TTLL10: variants seen among roughly 807,000 people sequenced by gnomAD.
TTLL10 encodes inactive polyglycylase TTLL10.
Under a neutral mutation model 69.0 loss-of-function variants are expected in TTLL10, and 61 were observed. That is an observed-to-expected ratio of 0.88 (90% CI 0.72 to 1.09). The LOEUF (loss-of-function observed/expected upper bound fraction) is 1.09, where lower values mean the gene tolerates loss of function less well. TTLL10 is among the 50% of genes least tolerant of loss of function. TTLL10 has a pLI of 0.00. For synonymous variants in TTLL10, 408 were observed against 393.3 expected (o/e 1.04, Z -0.44); for missense variants, 962 against 945.9 (o/e 1.02, Z -0.22).
rs75179781 is a variant in TTLL10, at chr1:1,179,367, C to A, written c.118+34C>A. The A allele has an allele frequency of 6.4e-3, 9,845 of 1,535,470 alleles. 340 individuals carry two copies. In the African/African-American group the frequency reaches 0.09, roughly 14 times the overall value. Reference sequence around the variant, plus strand: ...AGCAGCCCTGGGTGGCCTCCTACCTCTCCAAGGCCAAGGCCTCCCTGGGAC... The same window carrying A: ...AGCAGCCCTGGGTGGCCTCCTACCTATCCAAGGCCAAGGCCTCCCTGGGAC... On this transcript the variant is annotated intron_variant, in intron 4 of 15. Coordinates refer to ENST00000379289, the MANE Select transcript of TTLL10 (RefSeq NM_001130045.2).
At chr1:1,195,597 A>C (rs1003330078) in intron 13 of TTLL10, among the ~76,000 whole-genome samples, 3 of 144,818 alleles carry the variant, frequency 2.1e-5, no homozygotes, top group African/African-American at 7.8e-5. Context: ...CACCCACCTC[A>C]GCTTCCCAAA....
chr1:1,197,741 C>G lies in TTLL10; in HGVS notation c.1916C>G (p.Ala639Gly). 2.0e-6 allele frequency: 3 copies of G among 1,534,536 alleles called. No homozygotes were observed. Among genetic ancestry groups the G allele is most frequent in the Non-Finnish European group, 2.6e-6 (3 of 1,142,886 alleles). Residue 639 changes from alanine (A) to glycine (G), a missense_variant, in exon 16 of 16, where the codon GCC (alanine) becomes GGC (glycine). Coordinates refer to ENST00000379289, the MANE Select transcript of TTLL10 (RefSeq NM_001130045.2). ...LDSAHDGEPQ[A>G]PGTEQSGTGN... ...AGCGCCCACGATGGGGAGCCCCAGG[C>G]CCCGGGCACGGAGCAGTCGGGCACA...
chr1:1,197,819 G>A lies in TTLL10; in HGVS notation c.1994G>A (p.Arg665His), dbSNP rs965547043. 1.1e-5 allele frequency: 17 copies of A among 1,509,492 alleles called. No homozygotes were observed. In the African/African-American group the frequency reaches 1.3e-4, roughly 11 times the overall value. The allele number at this position is 1,509,492 out of a possible 1,614,324, so 93.5% of individuals were successfully genotyped here. ...TCCCCGGGGACAGCCAAGGAGGAAC[G>A]CGAGGAGCCTGAGAACGCGAGGCCC... ...EPSPGTAKEEREEPENARP is the reference protein window; with the variant it reads ...EPSPGTAKEEHEEPENARP Residue 665 changes from arginine to histidine, a missense_variant, in exon 16 of 16, where the codon CGC (arginine) becomes CAC (histidine). By Grantham distance (29) the Arg-to-His change is conservative. Coordinates refer to ENST00000379289, the MANE Select transcript of TTLL10 (RefSeq NM_001130045.2).
chr1:1,177,959 G>A (rs565708631), intron 3 of TTLL10, among the ~76,000 whole-genome samples: 6 of 152,254 alleles, frequency 3.9e-5, no homozygotes, highest in East Asian at 3.9e-4. Context: ...CCTGTGTTCC[G>A]CTCCTCCCTG....
intron 13 of TTLL10, among the ~76,000 whole-genome samples, chr1:1,192,222 C>A (rs967620455): frequency 6.7e-5 from 10 of 150,338 alleles, no homozygotes; most frequent in African/African-American, 2.2e-4. Context: ...CCCTTCAGAT[C>A]TGTCAGTTTT....
Position 1,185,969 on chromosome 1 carries a change from C to A in TTLL10, c.1401+860C>A. 1 of 416,540 alleles carries A rather than the reference C, an allele frequency of 2.4e-6. No individual in the cohort carries two copies. The highest frequency in any genetic ancestry group is 3.2e-6 in the Non-Finnish European group (1 of 310,466). 25.8% of individuals were successfully genotyped at this position (416,540 alleles called of 1,614,324 possible). A position where few individuals can be genotyped will look rare whatever the true frequency, so the allele number is the denominator to read the frequency against. ...AAAAGAAACACTACTAACGAGCCAT[C>A]ACAGCTACATTGCCGGCCATTCCTG... is the stretch of plus-strand genomic sequence containing the variant. On this transcript the variant is annotated intron_variant, in intron 13 of 15. Coordinates refer to ENST00000379289, the MANE Select transcript of TTLL10 (RefSeq NM_001130045.2). This position sits in a 1 kb window ranked among gnomAD's most constrained non-coding sequence, Gnocchi z 6.1.
At chr1:1,188,865 A>C (rs1376185059) in intron 13 of TTLL10, among the ~76,000 whole-genome samples, 2 of 152,174 alleles carry the variant, frequency 1.3e-5, no homozygotes, top group Non-Finnish European at 2.9e-5. Flanking sequence ...TCAGCATACA[A>C]GTCTGTCACC....
At chr1:1,190,491 G>A (rs1350909651) in intron 13 of TTLL10, among the ~76,000 whole-genome samples, 2 of 150,538 alleles carry the variant, frequency 1.3e-5, no homozygotes, top group Non-Finnish European at 1.5e-5. Context: ...GCAGTGGCAC[G>A]ATTTCAGCTC....
intron 13 of TTLL10, among the ~76,000 whole-genome samples, chr1:1,196,059 A>G (rs1161283886): frequency 1.3e-5 from 2 of 152,250 alleles, no homozygotes; most frequent in East Asian, 1.9e-4. Flanking sequence ...TACAGGTGTG[A>G]GCCACGTGCC....
chr1:1,183,167 C>A, intron 11 of TTLL10, 120 bp downstream of exon 11: 1 of 1,241,866 alleles, frequency 8.1e-7, no homozygotes, highest in Non-Finnish European at 1.1e-6. Flanking sequence ...ACCACCAGCC[C>A]CTGTGCAGAC....
intron 3 of TTLL10, chr1:1,175,407 A>G: frequency 3.1e-6 from 1 of 321,650 alleles, no homozygotes; most frequent in South Asian, 2.6e-5. Flanking sequence ...CCAGTGCAGA[A>G]ATTCCCCGTG....
Position 1,197,180 on chromosome 1 carries a change from A to ACCCTGGGTGAGCCTCCAAGC in TTLL10, c.1610_1612+17dup. Reference sequence around the variant, plus strand: ...GGTCATCCCAGGTGTGGTCATCGAGACCCTGGGTGAGCCTCCAAGCCCCCA... The same window carrying ACCCTGGGTGAGCCTCCAAGC: ...GGTCATCCCAGGTGTGGTCATCGAGACCCTGGGTGAGCCTCCAAGCCCCTGGGTGAGCCTCCAAGCCCCCA... On this transcript the variant is annotated frameshift_variant, in exon 15 of 16. Transcript: ENST00000379289. LOFTEE classifies it high-confidence loss of function. 6.5e-7 allele frequency: 1 copy of ACCCTGGGTGAGCCTCCAAGC among 1,548,468 alleles called. No individual in the cohort carries two copies. The highest frequency in any genetic ancestry group is 8.7e-7 in the Non-Finnish European group (1 of 1,146,464).
chr1:1,175,409 T>C (rs1299944134), intron 3 of TTLL10: 1 of 321,388 alleles, frequency 3.1e-6, no homozygotes, highest in South Asian at 2.6e-5. Context: ...AGTGCAGAAA[T>C]TCCCCGTGGA....
chr1:1,189,730 T>C (rs12124436), intron 13 of TTLL10, among the ~76,000 whole-genome samples: 19,661 of 152,204 alleles, frequency 0.13, 2,481 homozygotes, highest in East Asian at 0.59. Flanking sequence ...GGAAAGTTTA[T>C]TATTATTATT....
chr1:1,197,671 C>G lies in TTLL10; in HGVS notation c.1846C>G (p.Pro616Ala), dbSNP rs1427848751. 1 of 1,503,458 alleles carries G rather than the reference C, an allele frequency of 6.7e-7. No homozygotes were observed. Among genetic ancestry groups the G allele is most frequent in the East Asian group, 2.7e-5 (1 of 36,998 alleles). 93.1% of individuals were successfully genotyped at this position (1,503,458 alleles called of 1,614,324 possible). A position where few individuals can be genotyped will look rare whatever the true frequency, so the allele number is the denominator to read the frequency against. ...QPGARRPAPP[P>A]LVPQRPRPPG... ...GGGCGCCCGCAGGCCTGCGCCACCT[C>G]CCTTGGTGCCGCAGCGTCCCCGGCC... The change falls in exon 16 of 16, where the codon CCC becomes GCC. Residue 616 changes from proline to alanine, a missense_variant. Pro to Ala is a conservative substitution (Grantham distance 27). Coordinates refer to ENST00000379289, the MANE Select transcript of TTLL10 (RefSeq NM_001130045.2).
chr1:1,176,880 T>C (rs79648303), intron 3 of TTLL10, among the ~76,000 whole-genome samples: 3,723 of 152,332 alleles, frequency 0.024, 62 homozygotes, highest in Non-Finnish European at 0.028. Flanking sequence ...TTGTATTCTC[T>C]GTGCCTTTGC....
chr1:1,196,396 A>G, intron 13 of TTLL10: 3 of 571,528 alleles, frequency 5.2e-6, no homozygotes, highest in East Asian at 5.9e-5. Flanking sequence ...TGCCTGACAC[A>G]GGACAGGAGC....
In TTLL10 at chr1:1,182,998, A is replaced by C; in HGVS notation, c.1039A>C (p.Ile347Leu). 1 of 1,610,034 alleles carries C rather than the reference A, an allele frequency of 6.2e-7. No homozygotes were observed. Among genetic ancestry groups the C allele is most frequent in the East Asian group, 2.2e-5 (1 of 44,736 alleles). ...GACCCGGAGCATGGAGGACGACCCC[A>C]TCCACCACAAGACGCCGTTCCGGGG... The part of the protein sequence containing the change: ...AKTRSMEDDP[I>L]HHKTPFRGPQ... The change falls in exon 11 of 16, where the codon ATC (isoleucine) becomes CTC (leucine). Residue 347 changes from isoleucine (I) to leucine (L), a missense_variant. Physicochemically the swap from Ile to Leu is conservative, Grantham distance 5 (BLOSUM62 2). Transcript: ENST00000379289.
At chr1:1,175,282 T>G (rs767126764) in intron 3 of TTLL10, 137 of 214,804 alleles carry the variant, frequency 6.4e-4, no homozygotes, top group Non-Finnish European at 1.0e-3. Context: ...AGCTGCTGCT[T>G]CTTCTGCAGC....
Sources: allele counts gnomAD v4.1 joint callset (sites outside exome capture counted in the v4.1 genomes callset), GRCh38; gene constraint gnomAD v4.1.1; non-coding constraint Gnocchi (gnomAD v3.1); transcripts MANE v1.5; gene names NCBI Gene and HGNC (gene_info 2026-07-23, HGNC 2026-07-21).